The following CHRM2 variants were observed in gnomAD, a reference collection of about 807,000 sequenced individuals.
The protein encoded by CHRM2 is cholinergic receptor muscarinic 2.
A neutral mutation model predicts 25.0 loss-of-function variants in CHRM2; 8 were observed. The ratio of observed to expected loss-of-function variants is 0.32; its 90% confidence interval spans 0.19 to 0.58. CHRM2 has a LOEUF of 0.58. Among genes scored for constraint, CHRM2 ranks in the 20% least tolerant of loss-of-function variants. CHRM2 has a pLI of 0.88. For synonymous variants in CHRM2, 202 were observed against 205.7 expected, an observed-to-expected ratio of 0.98 and a Z score of 0.15; for missense variants, 440 against 567.1, an observed-to-expected ratio of 0.78 and a Z score of 2.28.
At chr7:136,919,796 G>A (rs1051637133) in intron 2 of CHRM2, among the ~76,000 whole-genome samples, 2 of 152,088 alleles carry the variant, frequency 1.3e-5, no homozygotes, top group African/African-American at 4.8e-5. Context: ...CCTGCACTAA[G>A]CTTCTTCTGA....
intron 2 of CHRM2, chr7:136,870,107 C>T (rs1795758871): frequency 6.6e-6 from 1 of 152,456 alleles, no homozygotes; most frequent in Non-Finnish European, 1.5e-5. Context: ...GCTGGACTGT[C>T]CGCCGTGGCT....
intron 2 of CHRM2, among the ~76,000 whole-genome samples, chr7:136,986,877 C>A (rs1802891096): frequency 6.6e-6 from 1 of 152,124 alleles, no homozygotes; most frequent in Admixed American, 6.6e-5. Context: ...ATATGAAATA[C>A]ACCCTTCTTA....
At chr7:136,877,327 G>A (rs1054317797) in intron 2 of CHRM2, among the ~76,000 whole-genome samples, 6 of 151,968 alleles carry the variant, frequency 3.9e-5, no homozygotes, top group South Asian at 4.1e-4. Context: ...GTGTTTAGAT[G>A]GGACACAGTC....
rs146093146 is a variant in CHRM2, at chr7:137,011,194, C to CGTGTGTGTGTGTGTGT, written c.-46-3619_-46-3604dup. 2.9e-4 allele frequency among the ~76,000 whole-genome samples: 39 copies of CGTGTGTGTGTGTGTGT among 136,400 alleles called. 2 individuals are homozygous for CGTGTGTGTGTGTGTGT. Among genetic ancestry groups the CGTGTGTGTGTGTGTGT allele is most frequent in the African/African-American group, 9.0e-4 (29 of 32,222 alleles). 89.5% of individuals were successfully genotyped at this position (136,400 alleles called of 152,430 possible). A position where few individuals can be genotyped will look rare whatever the true frequency, so the allele number is the denominator to read the frequency against. On this transcript the variant is annotated intron_variant, in intron 3 of 3. Transcript: ENST00000680005. ...ACAGAACCAATAGGATATATGTGTACGTGTGTGTGTGTGTGTGTGTGTATA... is the reference window on the plus strand; with the variant it reads ...ACAGAACCAATAGGATATATGTGTACGTGTGTGTGTGTGTGTGTGTGTGTGTGTGTGTGTGTGTATA...
intron 2 of CHRM2, chr7:136,898,787 G>C (rs1797045242): frequency 6.6e-6 from 1 of 152,008 alleles, no homozygotes; most frequent in African/African-American, 2.4e-5. Context: ...TATCAAAAGA[G>C]TAAAATAAAC....
chr7:136,962,811 T>C (rs766009854), intron 2 of CHRM2, among the ~76,000 whole-genome samples: 1 of 152,132 alleles, frequency 6.6e-6, no homozygotes, highest in Non-Finnish European at 1.5e-5. Flanking sequence ...AACCGCCTCA[T>C]TGTGACTCAG....
chr7:136,882,073 G>T (rs180860430), intron 2 of CHRM2, among the ~76,000 whole-genome samples: 38 of 152,108 alleles, frequency 2.5e-4, no homozygotes, highest in African/African-American at 8.9e-4. Context: ...AGTCCTAAGA[G>T]GTTATTTAGT....
rs184093224 is a variant in CHRM2, at chr7:136,949,223, A to G, written c.-124-42964A>G. 1.4e-4 allele frequency among the ~76,000 whole-genome samples: 21 copies of G among 152,250 alleles called. No homozygotes were observed. The South Asian group carries it at 1.5e-3, about 11-fold the overall frequency. On this transcript the variant is annotated intron_variant, in intron 2 of 3. Transcript: ENST00000680005. ...ATTTAATCTTCATTACAAACTCCAA[A>G]ATTTAGAGATAAGTAGCTTCATTTT...
At chr7:136,941,541 A>G (rs1456735807) in intron 2 of CHRM2, among the ~76,000 whole-genome samples, 1 of 152,178 alleles carries the variant, frequency 6.6e-6, no homozygotes, top group African/African-American at 2.4e-5. Flanking sequence ...TTCTCCCCAC[A>G]TGGGTTTCTT....
intron 2 of CHRM2, among the ~76,000 whole-genome samples, chr7:136,989,320 G>A (rs925484348): frequency 1.3e-5 from 2 of 152,134 alleles, no homozygotes; most frequent in African/African-American, 4.8e-5. Context: ...TTAAAGGGAT[G>A]AAAGTTAAAA....
chr7:136,958,247 A>G (rs1005400702), intron 2 of CHRM2, among the ~76,000 whole-genome samples: 1 of 152,162 alleles, frequency 6.6e-6, no homozygotes, highest in African/African-American at 2.4e-5. Flanking sequence ...AAGAAGAGAC[A>G]TTGTCTTTAG....
rs562937822 is a variant in CHRM2 at position 136,891,281 on chromosome 7, G to A, written c.-125+21863G>A. 9.2e-5 allele frequency among the ~76,000 whole-genome samples: 14 copies of A among 152,166 alleles called. No homozygotes were observed. The East Asian group carries it at 1.7e-3, about 19-fold the overall frequency. The stretch of plus-strand genomic sequence containing the variant: ...TCCAGATGCCACAGTGAATTTAGTC[G>A]CCATGTCTCTTTCCTGAGGCTCCTG... On this transcript the variant is annotated intron_variant, in intron 2 of 3. Coordinates refer to ENST00000680005, the MANE Select transcript of CHRM2 (RefSeq NM_001006630.2).
At chr7:136,980,846 GTATTTTACTGAGGATTT>G (rs1474666937) in intron 2 of CHRM2, among the ~76,000 whole-genome samples, 1 of 152,188 alleles carries the variant, frequency 6.6e-6, no homozygotes, top group Non-Finnish European at 1.5e-5. Flanking sequence ...CAATTTGCCA[GTATTTTACTGAGGATTT>G]TCGCATCGAT....
chr7:137,000,567 G>GGAAA (rs1563118287), intron 3 of CHRM2, among the ~76,000 whole-genome samples: 3 of 125,416 alleles, frequency 2.4e-5, no homozygotes, highest in Admixed American at 8.2e-5. Flanking sequence ...AAGGAAGGAA[G>GGAAA]GAAGGAAGGA....
intron 2 of CHRM2, among the ~76,000 whole-genome samples, chr7:136,917,643 A>G (rs1043479123): frequency 4.6e-5 from 7 of 152,074 alleles, no homozygotes; most frequent in African/African-American, 1.7e-4. Context: ...GCGCTAATGT[A>G]CAATCTTAAG....
At chr7:136,955,156 A>G (rs1378278630) in intron 2 of CHRM2, among the ~76,000 whole-genome samples, 1 of 152,166 alleles carries the variant, frequency 6.6e-6, no homozygotes, top group African/African-American at 2.4e-5. Flanking sequence ...ACTCCTTTTG[A>G]GTAAAATATT....
chr7:136,931,916 C>A (rs1584777515), intron 2 of CHRM2, among the ~76,000 whole-genome samples: 1 of 152,132 alleles, frequency 6.6e-6, no homozygotes, highest in East Asian at 1.9e-4. Context: ...TTTTGTGCAA[C>A]ACAAGGAACT....
At chr7:136,874,361 T>G (rs980922061) in intron 2 of CHRM2, among the ~76,000 whole-genome samples, 2 of 152,168 alleles carry the variant, frequency 1.3e-5, no homozygotes, top group Non-Finnish European at 2.9e-5. Context: ...TTCTCTTTTT[T>G]TTTCTTCACA....
rs2131132940 is a variant in CHRM2 at position 137,015,510 on chromosome 7, C to T, written c.645C>T (p.Ser215=). 6.2e-7 allele frequency: 1 copy of T among 1,613,072 alleles called. No individual in the cohort carries two copies. The highest frequency in any genetic ancestry group is 1.7e-5 in the Admixed American group (1 of 59,870). Residue 215 remains serine, a synonymous_variant, in exon 4 of 4, where the codon AGC becomes AGT. Coordinates refer to ENST00000680005, the MANE Select transcript of CHRM2 (RefSeq NM_001006630.2). This position sits in a 1 kb window ranked among gnomAD's most constrained non-coding sequence, Gnocchi z 5.1. Reference sequence around the variant, plus strand: ...GGCACATATCCCGAGCCAGCAAGAGCAGGATAAAGAAGGACAAGAAGGAGC... The same window carrying T: ...GGCACATATCCCGAGCCAGCAAGAGTAGGATAAAGAAGGACAAGAAGGAGC... ...LYWHISRASK[S]RIKKDKKEPV...
Sources: allele counts gnomAD v4.1 joint callset (sites outside exome capture counted in the v4.1 genomes callset), GRCh38; gene constraint gnomAD v4.1.1; non-coding constraint Gnocchi (gnomAD v3.1); transcripts MANE v1.5; gene names NCBI Gene and HGNC (gene_info 2026-07-23, HGNC 2026-07-21).